Variants in COL5A1 observed in about 807,000 individuals in gnomAD.
COL5A1 encodes collagen type V alpha 1 chain, also known as collagen alpha-1(V) chain.
COL5A1 carries 16 observed loss-of-function variants against 263.7 expected under a neutral mutation model. That is an observed-to-expected ratio of 0.06 (90% CI 0.04 to 0.09). The LOEUF is 0.09. COL5A1 is among the 10% of genes least tolerant of loss of function. COL5A1 has a pLI of 1.00. For synonymous variants in COL5A1, 1,012 were observed against 1,004.5 expected (o/e 1.01, Z -0.14); for missense variants, 2,036 against 2,540.5 (o/e 0.80, Z 4.27).
At chr9:134,795,371 A>T in intron 34 of COL5A1, 56 bp downstream of exon 34, 1 of 1,507,928 alleles carries the variant, frequency 6.6e-7, no homozygotes, top group Non-Finnish European at 9.2e-7. Flanking sequence ...GCAAGGCTAC[A>T]GAGACGTGGA....
chr9:134,835,236 G>A (rs1839810197), intron 65 of COL5A1, 32 bp downstream of exon 65: 1 of 1,583,674 alleles, frequency 6.3e-7, no homozygotes, highest in Non-Finnish European at 8.7e-7. Flanking sequence ...CAGCACCCCT[G>A]CTCACGCCTC....
At chr9:134,709,240 C>T (rs1254913145) in intron 4 of COL5A1, 1 of 327,290 alleles carries the variant, frequency 3.1e-6, no homozygotes, top group Non-Finnish European at 6.0e-6. Flanking sequence ...AAGTGAGCCT[C>T]TGGGCATGCA....
chr9:134,841,183 T>A lies in COL5A1; in HGVS notation c.5371-974T>A, dbSNP rs1044641614. Among the ~76,000 whole-genome samples the A allele has an allele frequency of 6.6e-6, 1 of 152,208 alleles. No homozygotes were observed. Among genetic ancestry groups the A allele is most frequent in the African/African-American group, 2.4e-5 (1 of 41,458 alleles). ...TCCCAGGCCCAGATCCAGCTGCGAC[T>A]GTAAATCCAGTCTGGGTCTGAGGTA... On this transcript the variant is annotated intron_variant, in intron 65 of 65. Transcript: ENST00000371817. This position sits in a 1 kb window ranked among gnomAD's most constrained non-coding sequence, Gnocchi z 4.8.
intron 1 of COL5A1, among the ~76,000 whole-genome samples, chr9:134,648,729 C>T (rs945480655): frequency 1.3e-5 from 2 of 152,202 alleles, no homozygotes; most frequent in African/African-American, 4.8e-5. Context: ...CCCTTGCCAT[C>T]CTGTGTGGTG....
chr9:134,823,598 G>C, intron 61 of COL5A1, 129 bp downstream of exon 61: 1 of 969,040 alleles, frequency 1.0e-6, no homozygotes. Flanking sequence ...CCCGGGCCTT[G>C]TCCCTCGCAC....
chr9:134,671,543 G>T (rs1832539442), intron 1 of COL5A1, among the ~76,000 whole-genome samples: 1 of 152,154 alleles, frequency 6.6e-6, no homozygotes, highest in African/African-American at 2.4e-5. Context: ...TTGCATCAAA[G>T]AACTGAATAA....
intron 11 of COL5A1, among the ~76,000 whole-genome samples, chr9:134,747,688 C>T (rs536265779): frequency 9.2e-4 from 139 of 151,656 alleles, no homozygotes; most frequent in African/African-American, 3.2e-3. Flanking sequence ...TACACACATG[C>T]AAACACATGC....
intron 32 of COL5A1, among the ~76,000 whole-genome samples, chr9:134,792,893 G>A (rs528925489): frequency 9.7e-5 from 3 of 30,938 alleles, no homozygotes; most frequent in Non-Finnish European, 1.5e-4. Context: ...GTGTGTGTGC[G>A]CGCGTGTGTG....
In COL5A1 at chr9:134,782,041, C is replaced by T. The variant is rs541748526; in HGVS notation, c.2431-626C>T. Among the ~76,000 whole-genome samples, 4 of 152,358 alleles carry T rather than the reference C, an allele frequency of 2.6e-5. No homozygotes were observed. In the East Asian group the frequency reaches 5.8e-4, roughly 22 times the overall value. ...GAAGGATCTGAGGGCTTTTGCCCTG[C>T]GGTTTCCGGGATGGGGAACGTCTAG... On this transcript the variant is annotated intron_variant, in intron 28 of 65. Coordinates refer to ENST00000371817, the MANE Select transcript of COL5A1 (RefSeq NM_000093.5).
At chr9:134,759,489 ACACT>A (rs1217514726) in intron 18 of COL5A1, among the ~76,000 whole-genome samples, 10 of 113,024 alleles carry the variant, frequency 8.8e-5, no homozygotes, top group Non-Finnish European at 1.6e-4. Flanking sequence ...ACACACACCC[ACACT>A]CATACACACA....
chr9:134,727,311 T>C lies in COL5A1; in HGVS notation c.700T>C (p.Tyr234His), dbSNP rs757434449. The C allele has an allele frequency of 1.1e-5, 18 of 1,614,074 alleles. No individual in the cohort carries two copies. The highest frequency in any genetic ancestry group is 6.7e-5 in the Admixed American group (4 of 60,020). ...LLFVSDHRAA[Y>H]DYCEHYSPDC... ...CTTTGTCTCGGACCACCGGGCAGCT[T>C]ATGATTACTGTGAGCACTACAGCCC... is the stretch of plus-strand genomic sequence containing the variant. The change falls in exon 5 of 66, where the codon TAT becomes CAT. Residue 234 changes from tyrosine to histidine, a missense_variant. Tyr to His is a moderately conservative substitution (Grantham distance 83). Transcript: ENST00000371817.
intron 1 of COL5A1, among the ~76,000 whole-genome samples, chr9:134,669,240 C>T (rs565987200): frequency 2.1e-5 from 1 of 47,024 alleles, no homozygotes; most frequent in African/African-American, 1.3e-4. Context: ...CCCTTTCCTT[C>T]CCTTCCCTTC....
At chr9:134,766,043 G>A (rs559919778) in intron 21 of COL5A1, among the ~76,000 whole-genome samples, 14 of 152,316 alleles carry the variant, frequency 9.2e-5, no homozygotes, top group African/African-American at 2.4e-4. Context: ...AGGATGTCAC[G>A]TTTCTTCCCT....
At chr9:134,823,282 A>G in intron 60 of COL5A1, 134 bp from the exon 61 acceptor site, 1 of 1,074,666 alleles carries the variant, frequency 9.3e-7, no homozygotes. Flanking sequence ...GGTCTCTGCC[A>G]TTCTCTTCTC....
At chr9:134,830,107 G>A (rs888268079) in intron 64 of COL5A1, 63 bp downstream of exon 64, 47 of 1,613,078 alleles carry the variant, frequency 2.9e-5, no homozygotes, top group Non-Finnish European at 3.7e-5. Context: ...GTATCTTACA[G>A]AGTAAAATGG....
chr9:134,642,224 C>T lies in COL5A1; in HGVS notation c.37C>T (p.Leu13Phe), dbSNP rs762625123. The change falls in exon 1 of 66, where the codon CTC becomes TTC. Residue 13 changes from leucine (L) to phenylalanine (F), a missense_variant. By Grantham distance (22) the Leu-to-Phe change is conservative. Around this residue, in one of 3 missense-constraint regions of COL5A1, gnomAD observed 600 missense variants for 634.5 expected, o/e 0.95. Transcript: ENST00000371817. This position sits in a 1 kb window ranked among gnomAD's most constrained non-coding sequence, Gnocchi z 4.5. ...VHTRWKARSA[L>F]RPGAPLLPPL... ...TACCCGCTGGAAAGCGCGCAGCGCGCTCCGCCCGGGCGCCCCGCTGCTGCC... is the reference window on the plus strand; with the variant it reads ...TACCCGCTGGAAAGCGCGCAGCGCGTTCCGCCCGGGCGCCCCGCTGCTGCC... 137 of 1,299,718 alleles carry T rather than the reference C, an allele frequency of 1.1e-4. 1 individual carries two copies. Among genetic ancestry groups the T allele is most frequent in the South Asian group, 5.7e-4 (25 of 43,520 alleles). 80.5% of individuals were successfully genotyped at this position (1,299,718 alleles called of 1,614,324 possible).
intron 26 of COL5A1, among the ~76,000 whole-genome samples, chr9:134,774,335 T>C (rs1231620498): frequency 6.6e-6 from 1 of 151,896 alleles, no homozygotes; most frequent in African/African-American, 2.4e-5. Flanking sequence ...TGGGAGCCGT[T>C]CATCATGCTG....
intron 6 of COL5A1, among the ~76,000 whole-genome samples, chr9:134,729,430 G>C (rs1167027270): frequency 2.6e-5 from 4 of 152,248 alleles, no homozygotes; most frequent in Non-Finnish European, 5.9e-5. Context: ...GTGTGAGCAT[G>C]GGCGGTGTGT....
At chr9:134,820,275 C>A in intron 58 of COL5A1, 52 bp downstream of exon 58, 1 of 1,468,796 alleles carries the variant, frequency 6.8e-7, no homozygotes, top group Non-Finnish European at 9.5e-7. Flanking sequence ...CATTTTAGAT[C>A]CCTGGGGCAG....
Sources: gnomAD v4.1 joint callset for allele counts (sites outside exome capture counted in the v4.1 genomes callset) on GRCh38, gnomAD v4.1.1 for gene constraint, gnomAD v4.1.1 regional missense constraint, Gnocchi (gnomAD v3.1) non-coding constraint, MANE v1.5 for transcripts, NCBI Gene and HGNC (gene_info 2026-07-23, HGNC 2026-07-21) for gene names.